The following GPHN variants were observed in gnomAD, a reference collection of about 807,000 sequenced individuals.
GPHN encodes the protein gephyrin.
In GPHN, 17 loss-of-function variants were observed where a neutral mutation model predicts 95.5. That is an observed-to-expected ratio of 0.18 (90% CI 0.12 to 0.27). GPHN has a LOEUF of 0.27. GPHN is among the 10% of genes least tolerant of loss of function. The probability of loss-of-function intolerance (pLI) is 1.00; values close to 1 mark genes in which losing one functional copy is unlikely to be tolerated. For synonymous variants in GPHN, 320 were observed against 322.5 expected, an observed-to-expected ratio of 0.99 and a Z score of 0.08; for missense variants, 660 against 978.1, an observed-to-expected ratio of 0.67 and a Z score of 4.34.
At chr14:66,939,766 T>G (rs2067312339) in intron 8 of GPHN, among the ~76,000 whole-genome samples, 1 of 152,334 alleles carries the variant, frequency 6.6e-6, no homozygotes, top group East Asian at 1.9e-4. Flanking sequence ...CAATCTTAAC[T>G]GCTTCCTGCT....
At chr14:66,516,942 C>G (rs1309684786) in intron 1 of GPHN, among the ~76,000 whole-genome samples, 2 of 151,662 alleles carry the variant, frequency 1.3e-5, no homozygotes, top group African/African-American at 4.8e-5. Context: ...CCATCCTGGC[C>G]AACATGGTGA....
In GPHN at chr14:66,843,227, G is replaced by A. The variant is rs539064555; in HGVS notation, c.294+18661G>A. On this transcript the variant is annotated intron_variant, in intron 4 of 22. Coordinates refer to ENST00000478722, the MANE Select transcript of GPHN (RefSeq NM_020806.5). ...GCTTTGTCCGTCAGCAAATGGCCTG[G>A]TACTGCCATATCCATCTGCTATTTT... is the stretch of plus-strand genomic sequence containing the variant. 5.9e-5 allele frequency among the ~76,000 whole-genome samples: 9 copies of A among 152,168 alleles called. No individual in the cohort carries two copies. In the East Asian group the frequency reaches 1.7e-3, roughly 29 times the overall value.
chr14:67,691,406 T>C, the GPHN span: 2 of 576,318 alleles, frequency 3.5e-6, no homozygotes, highest in Non-Finnish European at 6.2e-6. Context: ...TTTAAGACTT[T>C]AGTTGAATCC....
the GPHN span, chr14:67,579,631 T>C: frequency 7.5e-7 from 1 of 1,327,112 alleles, no homozygotes. Context: ...CCTTGCTCCT[T>C]TCCACCTGCT....
Position 67,064,865 on chromosome 14 carries a change from C to T in GPHN, c.1144+6079C>T, listed in dbSNP as rs184107158. 4.4e-4 allele frequency among the ~76,000 whole-genome samples: 66 copies of T among 150,762 alleles called. 1 individual carries two copies. The Middle Eastern group carries it at 0.01, about 23-fold the overall frequency. ...CATGCTAGCGGTCTATCAATTTTGT[C>T]GATCCTTTCAAAAACCAGCTCCTGG... On this transcript the variant is annotated intron_variant, in intron 11 of 22. Transcript: ENST00000478722.
intron 2 of GPHN, among the ~76,000 whole-genome samples, chr14:66,684,974 C>T (rs1813891658): frequency 6.6e-6 from 1 of 152,106 alleles, no homozygotes; most frequent in Admixed American, 6.6e-5. Flanking sequence ...TGTTCAATTC[C>T]CACCTATGAG....
the GPHN span, among the ~76,000 whole-genome samples, chr14:67,623,615 C>T: frequency 7.9e-5 from 11 of 139,160 alleles, no homozygotes; most frequent in East Asian, 2.4e-3. Context: ...GATCTTGGCT[C>T]ACTGCAACCT....
the GPHN span, among the ~76,000 whole-genome samples, chr14:67,433,966 T>C: frequency 8.5e-5 from 13 of 152,226 alleles, no homozygotes; most frequent in Non-Finnish European, 1.6e-4. Flanking sequence ...CGGATCTAAA[T>C]GTGTTTTTAA....
chr14:66,778,144 A>G (rs1184513686), intron 3 of GPHN, among the ~76,000 whole-genome samples: 1 of 152,168 alleles, frequency 6.6e-6, no homozygotes, highest in Admixed American at 6.5e-5. Context: ...TACAAAATCA[A>G]TGTACAAAAA....
At chr14:67,712,768 G>A in the GPHN span, among the ~76,000 whole-genome samples, 2 of 152,136 alleles carry the variant, frequency 1.3e-5, no homozygotes, top group African/African-American at 4.8e-5. Flanking sequence ...AAAAAAAGAA[G>A]GCAGAACTTT....
chr14:67,717,085 A>G, the GPHN span, among the ~76,000 whole-genome samples: 1 of 150,098 alleles, frequency 6.7e-6, no homozygotes, highest in Non-Finnish European at 1.5e-5. Context: ...CCCCTTTAAA[A>G]ACTTCAGCAT....
intron 1 of GPHN, among the ~76,000 whole-genome samples, chr14:66,550,450 GT>G (rs969823654): frequency 1.2e-4 from 19 of 152,314 alleles, no homozygotes; most frequent in Non-Finnish European, 2.2e-4. Context: ...AGTAAAGAAA[GT>G]GGTTTCTTGA....
rs914399328 is a variant in GPHN at position 66,970,918 on chromosome 14, A to G, written c.963+5593A>G. ...GTTGAGCAATAATATTCTCTGCATTATTGGTTAGATCCAGCATTTCTCAAA... is the reference window on the plus strand; with the variant it reads ...GTTGAGCAATAATATTCTCTGCATTGTTGGTTAGATCCAGCATTTCTCAAA... On this transcript the variant is annotated intron_variant, in intron 9 of 22. Coordinates refer to ENST00000478722, the MANE Select transcript of GPHN (RefSeq NM_020806.5). 2.0e-5 allele frequency among the ~76,000 whole-genome samples: 3 copies of G among 152,344 alleles called. No individual in the cohort carries two copies. The South Asian group carries it at 6.2e-4, about 32-fold the overall frequency.
the GPHN span, among the ~76,000 whole-genome samples, chr14:67,275,400 T>C: frequency 2.6e-5 from 4 of 152,098 alleles, no homozygotes; most frequent in African/African-American, 9.7e-5. Context: ...GTCTTTGGTT[T>C]TGTTTATATG....
chr14:66,833,169 C>T (rs72728682), intron 4 of GPHN, among the ~76,000 whole-genome samples: 3,682 of 152,264 alleles, frequency 0.024, 69 homozygotes, highest in Non-Finnish European at 0.036. Context: ...TTAATTGACT[C>T]ACAGTTCAGC....
At chr14:67,404,343 A>T in the GPHN span, among the ~76,000 whole-genome samples, 5 of 151,990 alleles carry the variant, frequency 3.3e-5, no homozygotes, top group South Asian at 4.2e-4. Context: ...ACCTAAAAAA[A>T]CTCTAGCAGC....
chr14:66,660,458 A>G (rs956446134), intron 1 of GPHN, among the ~76,000 whole-genome samples: 6 of 152,188 alleles, frequency 3.9e-5, no homozygotes, highest in African/African-American at 1.4e-4. Context: ...CTTTATGTTT[A>G]GAAATCTTTC....
intron 4 of GPHN, among the ~76,000 whole-genome samples, chr14:66,846,927 T>G (rs1453295119): frequency 6.6e-6 from 1 of 152,166 alleles, no homozygotes; most frequent in Non-Finnish European, 1.5e-5. Context: ...ATTCTCACTA[T>G]CAATTAAAAC....
At chr14:67,654,066 A>C in the GPHN span, among the ~76,000 whole-genome samples, 2 of 152,242 alleles carry the variant, frequency 1.3e-5, no homozygotes, top group East Asian at 1.9e-4. Context: ...ATCTGTTCCC[A>C]TTCCCCAGTG....
Sources: allele counts gnomAD v4.1 joint callset (sites outside exome capture counted in the v4.1 genomes callset), GRCh38; gene constraint gnomAD v4.1.1; transcripts MANE v1.5; gene names NCBI Gene and HGNC (gene_info 2026-07-23, HGNC 2026-07-21).